EPHA4: variants seen among roughly 807,000 people sequenced by gnomAD.
The protein encoded by EPHA4 is EPH receptor A4.
A neutral mutation model predicts 108.3 loss-of-function variants in EPHA4; 19 were observed. That is an observed-to-expected ratio of 0.18 (90% confidence interval 0.12 to 0.26). The LOEUF (loss-of-function observed/expected upper bound fraction) is 0.26, where lower values mean the gene tolerates loss of function less well. EPHA4 is among the 10% of genes least tolerant of loss of function. The probability of loss-of-function intolerance (pLI) is 1.00; values close to 1 mark genes in which losing one functional copy is unlikely to be tolerated. For missense variants in EPHA4, 917 were observed against 1,254.0 expected, an observed-to-expected ratio of 0.73 and a Z score of 4.06; for synonymous variants, 449 against 455.5, an observed-to-expected ratio of 0.99 and a Z score of 0.18.
chr2:221,443,671 C>T, intron 9 of EPHA4, 65 bp from the exon 10 acceptor site: 1 of 1,202,012 alleles, frequency 8.3e-7, no homozygotes. Context: ...CATAAATAGT[C>T]TGGGTCTAAA....
At chr2:221,570,237 G>A (rs1351354458) in intron 1 of EPHA4, among the ~76,000 whole-genome samples, 3 of 151,798 alleles carry the variant, frequency 2.0e-5, no homozygotes, top group African/African-American at 4.8e-5. Flanking sequence ...GAGGGGAGGG[G>A]AACAGACCTC....
chr2:221,493,632 G>T (rs1692219611), intron 4 of EPHA4, among the ~76,000 whole-genome samples: 1 of 152,106 alleles, frequency 6.6e-6, no homozygotes, highest in African/African-American at 2.4e-5. Context: ...TCATTATGTT[G>T]ATAACTGTCA....
intron 3 of EPHA4, among the ~76,000 whole-genome samples, chr2:221,555,525 G>GA (rs1694279556): frequency 6.6e-6 from 1 of 152,132 alleles, no homozygotes; most frequent in Non-Finnish European, 1.5e-5. Context: ...TGTTTCCCAG[G>GA]AAAAAGAAAT....
chr2:221,430,086 G>T lies in EPHA4; in HGVS notation c.2562C>A (p.His854Gln). The T allele has an allele frequency of 6.2e-7, 1 of 1,613,830 alleles. No individual in the cohort carries two copies. Among genetic ancestry groups the T allele is most frequent in the East Asian group, 2.2e-5 (1 of 44,870 alleles). Residue 854 changes from histidine (H) to glutamine (Q), a missense_variant, in exon 15 of 18, where the codon CAC (histidine) becomes CAA (glutamine). His to Gln is a conservative substitution (Grantham distance 24, BLOSUM62 0). Around this residue, in one of 3 missense-constraint regions of EPHA4, gnomAD observed 133 missense variants for 132.8 expected, o/e 1.00. Coordinates refer to ENST00000281821, the MANE Select transcript of EPHA4 (RefSeq NM_004438.5). Reference protein sequence around the residue: ...PPPMDCPIALHQLMLDCWQKE... With the variant: ...PPPMDCPIALQQLMLDCWQKE... The stretch of plus-strand genomic sequence containing the variant: ...TCTGCCAGCAGTCTAGCATCAGCTG[G>T]TGGAGCGCAATGGGGCAGTCCATTG...
rs749559340 is a variant in EPHA4, at chr2:221,434,202, G to T, written c.2436C>A (p.Ile812=). The change falls in exon 14 of 18, where the codon ATC becomes ATA. Residue 812 remains isoleucine (I), a synonymous_variant. Coordinates refer to ENST00000281821, the MANE Select transcript of EPHA4 (RefSeq NM_004438.5). ...TSASDVWSYG[I]VMWEVMSYGE... ...CGTACGACATCACTTCCCACATAAC[G>T]ATTCCATAGCTCCATACATCACTTG... The T allele has an allele frequency of 4.3e-6, 7 of 1,613,932 alleles. No individual in the cohort carries two copies. The African/African-American group carries it at 8.0e-5, about 18-fold the overall frequency.
chr2:221,566,919 GGAGA>G lies in EPHA4; in HGVS notation c.159+1795_159+1798del, dbSNP rs1559297230. Among the ~76,000 whole-genome samples, 17 of 54,610 alleles carry G rather than the reference GGAGA, an allele frequency of 3.1e-4. 3 individuals carry two copies. The highest frequency in any genetic ancestry group is 9.5e-4 in the African/African-American group (9 of 9,456). 35.8% of individuals were successfully genotyped at this position (54,610 alleles called of 152,430 possible). A position where few individuals can be genotyped will look rare whatever the true frequency, so the allele number is the denominator to read the frequency against. On this transcript the variant is annotated intron_variant, in intron 2 of 17. Transcript: ENST00000281821. ...AGGAGAAGGAGAAGGAGAAGGAGAA[GGAGA>G]AGGAGAAGGAGAAGGAGAAGGAGAA...
At position 221,431,761 on chromosome 2, in the gene EPHA4, C is replaced by T. The variant is rs550411558; in HGVS notation, c.2497-1610G>A. Among the ~76,000 whole-genome samples the T allele has an allele frequency of 6.6e-5, 10 of 152,302 alleles. No individual in the cohort carries two copies. The East Asian group carries it at 7.7e-4, about 12-fold the overall frequency. ...ATAACCCCTCAGACTGATTAATGCT[C>T]TTTCATAAGCTCCCTATCCACTGCC... On this transcript the variant is annotated intron_variant, in intron 14 of 17. Transcript: ENST00000281821.
chr2:221,437,538 T>C (rs1234591064), intron 11 of EPHA4: 1 of 155,556 alleles, frequency 6.4e-6, no homozygotes, highest in African/African-American at 2.4e-5. Flanking sequence ...CAATAGGCAA[T>C]AAACTTCTTT....
chr2:221,520,669 A>C (rs890123543), intron 3 of EPHA4, among the ~76,000 whole-genome samples: 1 of 152,140 alleles, frequency 6.6e-6, no homozygotes, highest in Non-Finnish European at 1.5e-5. Context: ...CTGAGTAGCC[A>C]AGTGTTTAGA....
At chr2:221,536,235 C>G (rs774350287) in intron 3 of EPHA4, among the ~76,000 whole-genome samples, 2 of 152,168 alleles carry the variant, frequency 1.3e-5, no homozygotes, top group Non-Finnish European at 2.9e-5. Flanking sequence ...ATGTGGCAGC[C>G]TAAGGAACTT....
At chr2:221,543,041 TC>T (rs1215013392) in intron 3 of EPHA4, among the ~76,000 whole-genome samples, 2 of 152,234 alleles carry the variant, frequency 1.3e-5, no homozygotes, top group Non-Finnish European at 2.9e-5. Context: ...TATGTTTGTT[TC>T]AAGCTCAGGA....
At chr2:221,433,531 T>A (rs191624289) in intron 14 of EPHA4, among the ~76,000 whole-genome samples, 40 of 152,282 alleles carry the variant, frequency 2.6e-4, no homozygotes, top group Admixed American at 4.6e-4. Flanking sequence ...ACTGGAGATG[T>A]TTGTAATTAA....
chr2:221,518,382 G>A (rs1027939479), intron 3 of EPHA4, among the ~76,000 whole-genome samples: 1 of 152,142 alleles, frequency 6.6e-6, no homozygotes, highest in Non-Finnish European at 1.5e-5. Context: ...ATCCAGTCAT[G>A]AACTGTGTGT....
intron 3 of EPHA4, among the ~76,000 whole-genome samples, chr2:221,519,717 T>C (rs1338958263): frequency 6.6e-6 from 1 of 152,182 alleles, no homozygotes; most frequent in African/African-American, 2.4e-5. Flanking sequence ...CCTCTGCCAC[T>C]CAAAGTCAGC....
At chr2:221,481,351 G>A (rs530890960) in intron 5 of EPHA4, among the ~76,000 whole-genome samples, 417 of 26,184 alleles carry the variant, frequency 0.016, no homozygotes, top group African/African-American at 0.055. Context: ...CAGCCCCCAC[G>A]TCAATCAAGA....
chr2:221,457,574 C>T (rs1038632621), intron 6 of EPHA4, among the ~76,000 whole-genome samples: 16 of 152,222 alleles, frequency 1.1e-4, no homozygotes, highest in African/African-American at 3.9e-4. Context: ...AATGTATTAT[C>T]ATTATTGTTA....
intron 4 of EPHA4, among the ~76,000 whole-genome samples, chr2:221,484,626 G>T (rs1000520473): frequency 6.6e-6 from 1 of 152,152 alleles, no homozygotes; most frequent in Non-Finnish European, 1.5e-5. Context: ...AATGACAAAT[G>T]AATGCTTTTT....
intron 5 of EPHA4, among the ~76,000 whole-genome samples, chr2:221,473,851 T>C (rs1691573198): frequency 6.6e-6 from 1 of 152,188 alleles, no homozygotes; most frequent in Non-Finnish European, 1.5e-5. Flanking sequence ...TGGTGGTTAG[T>C]GTTCGATGGA....
intron 3 of EPHA4, 58 bp downstream of exon 3, chr2:221,563,673 C>A: frequency 6.4e-7 from 1 of 1,569,552 alleles, no homozygotes; most frequent in Admixed American, 1.7e-5. Flanking sequence ...AGTCTCATCT[C>A]TGATTTAATT....
Sources: gnomAD v4.1 joint callset for allele counts (sites outside exome capture counted in the v4.1 genomes callset) on GRCh38, gnomAD v4.1.1 for gene constraint, gnomAD v4.1.1 regional missense constraint, MANE v1.5 for transcripts, NCBI Gene and HGNC (gene_info 2026-07-23, HGNC 2026-07-21) for gene names.